Variants in SLC8A1 observed in about 807,000 individuals in gnomAD.
The protein encoded by SLC8A1 is sodium/calcium exchanger 1.
SLC8A1 carries 18 observed loss-of-function variants against 68.3 expected under a neutral mutation model. The observed-to-expected ratio is 0.26, with a 90% CI of 0.18 to 0.39. The LOEUF (loss-of-function observed/expected upper bound fraction) is 0.39, where lower values mean the gene tolerates loss of function less well. SLC8A1 is among the 10% of genes least tolerant of loss of function. The pLI is 1.00. For synonymous variants in SLC8A1, 475 were observed against 415.5 expected (o/e 1.14, Z -1.74); for missense variants, 985 against 1,156.7 (o/e 0.85, Z 2.15).
At chr2:40,282,872 C>A (rs2067727361) in intron 2 of SLC8A1, among the ~76,000 whole-genome samples, 1 of 152,154 alleles carries the variant, frequency 6.6e-6, no homozygotes, top group Non-Finnish European at 1.5e-5. Context: ...ATACCCCGGA[C>A]TCCCAGTGAA....
At chr2:40,232,488 T>G (rs2059782688) in intron 2 of SLC8A1, among the ~76,000 whole-genome samples, 1 of 151,746 alleles carries the variant, frequency 6.6e-6, no homozygotes. Flanking sequence ...ACAAAGAGAT[T>G]GGGGATTAGG....
intron 2 of SLC8A1, among the ~76,000 whole-genome samples, chr2:40,271,433 A>G (rs998851572): frequency 6.6e-6 from 1 of 151,966 alleles, no homozygotes; most frequent in Non-Finnish European, 1.5e-5. Context: ...ATGAAATACC[A>G]CCTCCTCAGA....
chr2:40,209,699 T>C (rs969096119), intron 2 of SLC8A1, among the ~76,000 whole-genome samples: 6 of 152,112 alleles, frequency 3.9e-5, no homozygotes, highest in African/African-American at 9.7e-5. Context: ...TATAGAGTGA[T>C]AGACGCTGGC....
chr2:40,163,175 G>C (rs2045981271), intron 5 of SLC8A1, among the ~76,000 whole-genome samples: 1 of 152,158 alleles, frequency 6.6e-6, no homozygotes. Flanking sequence ...CAAATGGTCA[G>C]ATCATTATAG....
At chr2:40,432,775 T>A (rs1035042895) in intron 1 of SLC8A1, among the ~76,000 whole-genome samples, 3 of 151,962 alleles carry the variant, frequency 2.0e-5, no homozygotes, top group African/African-American at 7.3e-5. Context: ...TATGATCTGA[T>A]TTTTCTTTTA....
chr2:40,337,157 T>C (rs1427472256), intron 2 of SLC8A1, among the ~76,000 whole-genome samples: 1 of 152,212 alleles, frequency 6.6e-6, no homozygotes, highest in Non-Finnish European at 1.5e-5. Flanking sequence ...GACCATAGTT[T>C]ACAGTGCTGT....
chr2:40,280,058 T>G (rs2067289935), intron 2 of SLC8A1, among the ~76,000 whole-genome samples: 1 of 152,138 alleles, frequency 6.6e-6, no homozygotes, highest in African/African-American at 2.4e-5. Flanking sequence ...AATACCATAT[T>G]AAGGAGTTAG....
intron 2 of SLC8A1, among the ~76,000 whole-genome samples, chr2:40,293,427 C>T (rs1351745653): frequency 6.6e-6 from 1 of 152,092 alleles, no homozygotes; most frequent in Non-Finnish European, 1.5e-5. Flanking sequence ...GCTGCTGTGT[C>T]CAGTTAAATA....
chr2:40,236,555 A>G (rs978409928), intron 2 of SLC8A1, among the ~76,000 whole-genome samples: 50 of 149,822 alleles, frequency 3.3e-4, no homozygotes, highest in African/African-American at 1.2e-3. Flanking sequence ...TCTTTATCCA[A>G]TTTGCCAGTC....
intron 2 of SLC8A1, among the ~76,000 whole-genome samples, chr2:40,232,537 T>C (rs1315723331): frequency 3.3e-5 from 5 of 151,890 alleles, no homozygotes; most frequent in South Asian, 2.1e-4. Flanking sequence ...CATCCTCACA[T>C]TGAATGGCCT....
intron 2 of SLC8A1, among the ~76,000 whole-genome samples, chr2:40,342,621 A>G (rs973136647): frequency 6.6e-6 from 1 of 152,142 alleles, no homozygotes; most frequent in Non-Finnish European, 1.5e-5. Context: ...ATGCTGTTAG[A>G]TAGTTTATGA....
chr2:40,231,086 C>G (rs1203464689), intron 2 of SLC8A1, among the ~76,000 whole-genome samples: 1 of 152,202 alleles, frequency 6.6e-6, no homozygotes, highest in Non-Finnish European at 1.5e-5. Flanking sequence ...CTTCTACATT[C>G]TCCCTGGCCT....
intron 2 of SLC8A1, among the ~76,000 whole-genome samples, chr2:40,205,504 G>A (rs764741789): frequency 2.6e-5 from 4 of 151,948 alleles, no homozygotes; most frequent in Non-Finnish European, 4.4e-5. Context: ...GCAGGGACAT[G>A]GATGGAGCTG....
At chr2:40,328,327 C>G (rs549367509) in intron 2 of SLC8A1, among the ~76,000 whole-genome samples, 51 of 152,268 alleles carry the variant, frequency 3.3e-4, no homozygotes, top group Admixed American at 1.0e-3. Context: ...CTTGAAACAT[C>G]GACTTCCCCC....
intron 2 of SLC8A1, among the ~76,000 whole-genome samples, chr2:40,304,486 G>A (rs1171081170): frequency 3.3e-5 from 5 of 152,080 alleles, no homozygotes; most frequent in Non-Finnish European, 5.9e-5. Flanking sequence ...CCACCCAGAC[G>A]ATGGAATGAA....
intron 2 of SLC8A1, among the ~76,000 whole-genome samples, chr2:40,331,369 C>G (rs1240333942): frequency 6.6e-6 from 1 of 152,252 alleles, no homozygotes; most frequent in East Asian, 1.9e-4. Flanking sequence ...ATAAAACACA[C>G]ACACATAATG....
rs367993481 is a variant in SLC8A1 at position 40,211,132 on chromosome 2, A to T, written c.1809-33277T>A. 2.6e-5 allele frequency among the ~76,000 whole-genome samples: 4 copies of T among 152,332 alleles called. No individual in the cohort carries two copies. The East Asian group carries it at 5.8e-4, about 22-fold the overall frequency. On this transcript the variant is annotated intron_variant, in intron 2 of 7. Coordinates refer to ENST00000406785, the Ensembl canonical transcript of SLC8A1. Reference sequence around the variant, plus strand: ...ATTGGCTGAGGACCCACTGTGGGGCATGGAGCTAGTGGGCATCTCTCCAGT... The same window carrying T: ...ATTGGCTGAGGACCCACTGTGGGGCTTGGAGCTAGTGGGCATCTCTCCAGT...
chr2:40,230,212 T>G (rs1294052354), intron 2 of SLC8A1, among the ~76,000 whole-genome samples: 1 of 152,194 alleles, frequency 6.6e-6, no homozygotes, highest in Non-Finnish European at 1.5e-5. Flanking sequence ...TACAGGTTAC[T>G]CTAAAGATTC....
chr2:40,318,534 C>A (rs995418738), intron 2 of SLC8A1, among the ~76,000 whole-genome samples: 64 of 151,968 alleles, frequency 4.2e-4, no homozygotes, highest in African/African-American at 1.4e-3. Context: ...AGCCATGTGA[C>A]CAGTAAGTGA....
Sources: allele counts gnomAD v4.1 joint callset (sites outside exome capture counted in the v4.1 genomes callset), GRCh38; gene constraint gnomAD v4.1.1; transcripts MANE v1.5; gene names NCBI Gene and HGNC (gene_info 2026-07-23, HGNC 2026-07-21).